WDR7: variants seen among roughly 807,000 people sequenced by gnomAD.
The protein encoded by WDR7 is WD repeat domain 7, also known as WD repeat-containing protein 7.
WDR7 carries 46 observed loss-of-function variants against 169.4 expected under a neutral mutation model. The ratio of observed to expected loss-of-function variants is 0.27; its 90% CI spans 0.21 to 0.35. The LOEUF (loss-of-function observed/expected upper bound fraction) is 0.35. Among genes scored for constraint, WDR7 ranks in the 10% least tolerant of loss-of-function variants. WDR7 has a pLI of 1.00. For synonymous variants in WDR7, 612 were observed against 666.8 expected (o/e 0.92, Z 1.27); for missense variants, 1,534 against 1,859.3 (o/e 0.83, Z 3.22).
At chr18:56,718,180 A>T in intron 13 of WDR7, 21 bp downstream of exon 13, 1 of 1,484,104 alleles carries the variant, frequency 6.7e-7, no homozygotes, top group Admixed American at 2.3e-5. Context: ...GTATGAAGAG[A>T]TACTATAGAA....
Position 56,847,399 on chromosome 18 carries a change from TA to T in WDR7, c.3304+31259del, listed in dbSNP as rs1188100113. 9.9e-5 allele frequency among the ~76,000 whole-genome samples: 15 copies of T among 152,260 alleles called. No homozygotes were observed. The East Asian group carries it at 2.7e-3, about 27-fold the overall frequency. Reference sequence around the variant, plus strand: ...AAGTGACTTAAAGTTGGAACTTATTTAAAAGGAAATCAGAGTATAAAAGTTT... The same window carrying T: ...AAGTGACTTAAAGTTGGAACTTATTTAAAGGAAATCAGAGTATAAAAGTTT... On this transcript the variant is annotated intron_variant, in intron 20 of 27. Transcript: ENST00000254442.
intron 19 of WDR7, among the ~76,000 whole-genome samples, chr18:56,798,856 A>G (rs911517079): frequency 2.6e-5 from 4 of 152,230 alleles, no homozygotes; most frequent in Non-Finnish European, 5.9e-5. Flanking sequence ...AACACTGCAT[A>G]TTTGCATATA....
chr18:56,941,368 CTGAG>C (rs938550744), intron 25 of WDR7, among the ~76,000 whole-genome samples: 6 of 152,068 alleles, frequency 3.9e-5, no homozygotes, highest in Non-Finnish European at 8.8e-5. Flanking sequence ...GATTTTCCCT[CTGAG>C]GGAGTTGTGG....
At chr18:57,026,789 C>T (rs1402023160) in intron 27 of WDR7, among the ~76,000 whole-genome samples, 1 of 152,172 alleles carries the variant, frequency 6.6e-6, no homozygotes, top group Non-Finnish European at 1.5e-5. Flanking sequence ...GGTTCTACCC[C>T]TATAAAATTC....
intron 20 of WDR7, among the ~76,000 whole-genome samples, chr18:56,871,553 T>C (rs903613256): frequency 2.0e-5 from 3 of 152,170 alleles, no homozygotes; most frequent in Admixed American, 2.0e-4. Context: ...CGTATGATTC[T>C]CAAACATATT....
chr18:56,670,065 T>A (rs1315736158), intron 1 of WDR7, among the ~76,000 whole-genome samples: 1 of 152,196 alleles, frequency 6.6e-6, no homozygotes, highest in African/African-American at 2.4e-5. Flanking sequence ...TAGATTCCTG[T>A]GATCTACCTG....
rs74182165 is a variant in WDR7, at chr18:56,987,285, CAAAA to C, written c.4164+24779_4164+24782del. ...AAAGGTTAAGCCTTATCATCTGTAC[CAAAA>C]AAAAAAAAAAAAAAAAAAAAAAGGT... On this transcript the variant is annotated intron_variant, in intron 26 of 27. Transcript: ENST00000254442. Among the ~76,000 whole-genome samples, 361 of 75,266 alleles carry C rather than the reference CAAAA, an allele frequency of 4.8e-3. 3 individuals are homozygous for C. The highest frequency in any genetic ancestry group is 0.014 in the African/African-American group (293 of 21,262). The allele number at this position is 75,266 out of a possible 152,430, so 49.4% of individuals were successfully genotyped here. A position where few individuals can be genotyped will look rare whatever the true frequency, so the allele number is the denominator to read the frequency against.
rs1215613907 is a variant in WDR7, at chr18:56,879,579, T to C, written c.3305-365T>C. On this transcript the variant is annotated intron_variant, in intron 20 of 27. Transcript: ENST00000254442. Reference sequence around the variant, plus strand: ...ATTCTGTCTTTTCAAGCACAAAAGTTTTTAGTATTGATGAAATCCTATGTA... The same window carrying C: ...ATTCTGTCTTTTCAAGCACAAAAGTCTTTAGTATTGATGAAATCCTATGTA... 2.6e-5 allele frequency among the ~76,000 whole-genome samples: 4 copies of C among 152,286 alleles called. No individual in the cohort carries two copies. The East Asian group carries it at 5.8e-4, about 22-fold the overall frequency.
chr18:56,822,310 CA>C (rs1281605182), intron 20 of WDR7, among the ~76,000 whole-genome samples: 1 of 152,116 alleles, frequency 6.6e-6, no homozygotes, highest in Non-Finnish European at 1.5e-5. Context: ...TTGAAGTCAT[CA>C]GTATAAAACT....
At chr18:56,754,273 G>GTGTGTGTGTGTGTATA (rs1555686089) in intron 14 of WDR7, among the ~76,000 whole-genome samples, 35 of 146,974 alleles carry the variant, frequency 2.4e-4, no homozygotes, top group African/African-American at 8.9e-4. Flanking sequence ...GTGTGTGTGT[G>GTGTGTGTGTGTGTATA]TGTGTGTGTG....
At chr18:56,665,196 G>T (rs995577898) in intron 1 of WDR7, among the ~76,000 whole-genome samples, 9 of 151,968 alleles carry the variant, frequency 5.9e-5, no homozygotes, top group Non-Finnish European at 8.8e-5. Context: ...AGGAGGCTGG[G>T]GCAGGAGAAT....
rs148431588 is a variant in WDR7 at position 56,907,730 on chromosome 18, G to A, written c.3527-16192G>A. Among the ~76,000 whole-genome samples, 152 of 152,212 alleles carry A rather than the reference G, an allele frequency of 1.0e-3. 3 individuals are homozygous for A. The highest frequency in any genetic ancestry group is 1.0e-3 in the Non-Finnish European group (70 of 68,010). ...TCTAGTGGATTCAGTATCTGGTGAG[G>A]GCCTGTTCCTCATGGATGGTGCCTT... On this transcript the variant is annotated intron_variant, in intron 21 of 27. Coordinates refer to ENST00000254442, the MANE Select transcript of WDR7 (RefSeq NM_015285.3).
intron 1 of WDR7, among the ~76,000 whole-genome samples, chr18:56,668,354 G>T (rs150763729): frequency 6.6e-6 from 1 of 152,052 alleles, no homozygotes; most frequent in Non-Finnish European, 1.5e-5. Context: ...AGCCTATTCC[G>T]GTTAATTCCT....
rs1282475433 is a variant in WDR7 at position 56,769,084 on chromosome 18, TA to T, written c.2849-7697del. 3.9e-5 allele frequency among the ~76,000 whole-genome samples: 6 copies of T among 152,210 alleles called. No individual in the cohort carries two copies. The East Asian group carries it at 7.7e-4, about 20-fold the overall frequency. ...CTTGTCTACTTTTTTTTATACAGTT[TA>T]TTTTTTTTGACACTTGATTTTGCGG... On this transcript the variant is annotated intron_variant, in intron 16 of 27. Coordinates refer to ENST00000254442, the MANE Select transcript of WDR7 (RefSeq NM_015285.3).
intron 26 of WDR7, among the ~76,000 whole-genome samples, chr18:56,967,104 G>A (rs912209151): frequency 3.3e-5 from 5 of 152,152 alleles, no homozygotes; most frequent in African/African-American, 1.2e-4. Context: ...TAATTGTAGG[G>A]AATTTTATAG....
At chr18:56,725,817 G>A (rs2026436821) in intron 13 of WDR7, among the ~76,000 whole-genome samples, 1 of 152,090 alleles carries the variant, frequency 6.6e-6, no homozygotes, top group Non-Finnish European at 1.5e-5. Context: ...AATCCATCTT[G>A]AATTAATTTT....
intron 13 of WDR7, among the ~76,000 whole-genome samples, chr18:56,719,377 C>G (rs2144746894): frequency 6.6e-6 from 1 of 152,118 alleles, no homozygotes; most frequent in African/African-American, 2.4e-5. Context: ...TCTTGGCTAA[C>G]ACTTGAAACC....
downstream of WDR7, chr18:57,032,280 A>G (rs1381821011): frequency 6.6e-6 from 1 of 152,250 alleles, no homozygotes; most frequent in African/African-American, 2.4e-5. Flanking sequence ...TCGAGATTGA[A>G]TAAGACTCTG....
chr18:56,859,255 T>C (rs1381052771), intron 20 of WDR7, among the ~76,000 whole-genome samples: 1 of 152,180 alleles, frequency 6.6e-6, no homozygotes, highest in Non-Finnish European at 1.5e-5. Flanking sequence ...ATCTTTACTT[T>C]CCTATTAAGC....
Sources: gnomAD v4.1 joint callset for allele counts (sites outside exome capture counted in the v4.1 genomes callset) on GRCh38, gnomAD v4.1.1 for gene constraint, MANE v1.5 for transcripts, NCBI Gene and HGNC (gene_info 2026-07-23, HGNC 2026-07-21) for gene names.